Variants in FHOD1 observed in about 807,000 individuals in gnomAD.
FHOD1 encodes FH1/FH2 domain-containing protein 1.
A neutral mutation model predicts 111.6 loss-of-function variants in FHOD1; 89 were observed. That is an observed-to-expected ratio of 0.80 (90% CI 0.67 to 0.95). The LOEUF is 0.95. Ranked by LOEUF, FHOD1 falls within the 40% of genes least tolerant of loss-of-function variation. FHOD1 has a pLI of 0.00. For missense variants in FHOD1, 1,446 were observed against 1,554.2 expected (o/e 0.93, Z 1.17); for synonymous variants, 618 against 639.0 (o/e 0.97, Z 0.50).
In FHOD1 at chr16:67,237,300, T is replaced by C. The variant is rs897849332; in HGVS notation, c.932A>G (p.Gln311Arg). 2.7e-5 allele frequency: 43 copies of C among 1,613,902 alleles called. No individual in the cohort carries two copies. Among genetic ancestry groups the C allele is most frequent in the Non-Finnish European group, 3.2e-5 (38 of 1,180,040 alleles). The change falls in exon 9 of 22, where the codon CAG becomes CGG. Residue 311 changes from glutamine to arginine, a missense_variant. Gln to Arg is a conservative substitution (Grantham distance 43). Transcript: ENST00000258201. This position sits in a 1 kb window ranked among gnomAD's most constrained non-coding sequence, Gnocchi z 5.6. ...LEQQGMEALV[Q>R]RHLGTAGTDV... ...AGTGCCCGCAGTGCCCAGGTGGCGC[T>C]GGACCAGCGCTTCCATGCCCTGCTG...
rs1055473456 is a variant in FHOD1 at position 67,234,147 on chromosome 16, A to C, written c.1556T>G (p.Leu519Arg). The part of the protein sequence containing the change: ...RSLAPEPKEP[L>R]IPASPKAEPI... The stretch of plus-strand genomic sequence containing the variant: ...CTCAGCCTTGGGGCTTGCTGGTATC[A>C]GTGGCTCCTTGGGCTCTGGTGCAAG... Residue 519 changes from leucine to arginine, a missense_variant, in exon 13 of 22, where the codon CTG becomes CGG. Around this residue, in one of 3 missense-constraint regions of FHOD1, gnomAD observed 1,085 missense variants for 1,108.8 expected, o/e 0.98. Coordinates refer to ENST00000258201, the MANE Select transcript of FHOD1 (RefSeq NM_013241.3). The C allele has an allele frequency of 6.4e-7, 1 of 1,564,778 alleles. No individual in the cohort carries two copies. The highest frequency in any genetic ancestry group is 8.7e-7 in the Non-Finnish European group (1 of 1,152,964).
chr16:67,236,624 C>A lies in FHOD1; in HGVS notation c.1252G>T (p.Val418Leu), dbSNP rs752072735. Residue 418 changes from valine (V) to leucine (L), a missense_variant, in exon 11 of 22, where the codon GTG becomes TTG. By Grantham distance (32) the Val-to-Leu change is conservative (BLOSUM62 1). Transcript: ENST00000258201. ...ACAGAGATGGTAGGAAAAAGGTTCA[C>A]TGAAGCTTGGAGACCGGAGGGAGGG... ...VGPPSGLQASVNLFPTISVAP... is the reference protein window; with the variant it reads ...VGPPSGLQASLNLFPTISVAP... 1 of 1,613,654 alleles carries A rather than the reference C, an allele frequency of 6.2e-7. No homozygotes were observed. The highest frequency in any genetic ancestry group is 8.5e-7 in the Non-Finnish European group (1 of 1,179,864).
intron 11 of FHOD1, chr16:67,235,884 C>A (rs1010545274): frequency 4.7e-6 from 1 of 212,916 alleles, no homozygotes; most frequent in Non-Finnish European, 8.1e-6. Flanking sequence ...ACCGAGGAGG[C>A]ATATGTCTGG....
chr16:67,232,192 T>C lies in FHOD1; in HGVS notation c.2049A>G (p.Lys683=). 1 of 1,614,024 alleles carries C rather than the reference T, an allele frequency of 6.2e-7. No homozygotes were observed. Among genetic ancestry groups the C allele is most frequent in the Non-Finnish European group, 8.5e-7 (1 of 1,179,980 alleles). ...TCATTGTCCGGCGGCCCTCTCCAGC[T>C]TTCTGCATGGTTGGGGGAAGGGCAG... ...SRAKEVLPSK[K]AGEGRRTMTT... is the part of the protein sequence containing the mutation. The change falls in exon 14 of 22, where the codon AAA becomes AAG. Residue 683 remains lysine, a splice_region_variant and synonymous_variant. Transcript: ENST00000258201.
At chr16:67,243,890 A>G (rs2034735383) in intron 1 of FHOD1, among the ~76,000 whole-genome samples, 1 of 152,032 alleles carries the variant, frequency 6.6e-6, no homozygotes, top group African/African-American at 2.4e-5. Context: ...CAGCTCAGCC[A>G]CTCTGTTCCA....
rs1391092462 is a variant in FHOD1, at chr16:67,229,722, C to T, written c.3413-4G>A. ...CCACTCTTCAACGTCCTTCTCACTG[C>T]AGGGACAGAGCAGGGTTGGAGGGGG... On this transcript the variant is annotated splice_region_variant and splice_polypyrimidine_tract_variant and intron_variant, in intron 21 of 21. Coordinates refer to ENST00000258201, the MANE Select transcript of FHOD1 (RefSeq NM_013241.3). 6.2e-7 allele frequency: 1 copy of T among 1,614,176 alleles called. No individual in the cohort carries two copies. Among genetic ancestry groups the T allele is most frequent in the Non-Finnish European group, 8.5e-7 (1 of 1,180,006 alleles).
chr16:67,231,335 C>T lies in FHOD1; in HGVS notation c.2520G>A (p.Glu840=). Residue 840 remains glutamate (E), a synonymous_variant, in exon 17 of 22, where the codon GAG becomes GAA. Transcript: ENST00000258201. This position sits in a 1 kb window ranked among gnomAD's most constrained non-coding sequence, Gnocchi z 4.3. ...CTGACACCTTCTCCAGGTAGCTCAG[C>T]TCAAAGCCGCTGCTCTGAAAGGACC... ...FLNGSQSSGF[E]LSYLEKVSEV... The T allele has an allele frequency of 9.3e-6, 15 of 1,614,174 alleles. No homozygotes were observed. Among genetic ancestry groups the T allele is most frequent in the Non-Finnish European group, 1.3e-5 (15 of 1,180,028 alleles).
chr16:67,230,708 G>A lies in FHOD1; in HGVS notation c.2751C>T (p.Ala917=), dbSNP rs778529897. 1 of 1,613,716 alleles carries A rather than the reference G, an allele frequency of 6.2e-7. No individual in the cohort carries two copies. Among genetic ancestry groups the A allele is most frequent in the South Asian group, 1.1e-5 (1 of 91,034 alleles). ...GCAGGGCTGGGGCCAGCTCATGCTTGGCCAAGCTCCGCAGGCTCTCCTCGG... is the reference window on the plus strand; with the variant it reads ...GCAGGGCTGGGGCCAGCTCATGCTTAGCCAAGCTCCGCAGGCTCTCCTCGG... The part of the protein sequence containing the change: ...RAAEESLRSL[A]KHELAPALRA... Residue 917 remains alanine, a synonymous_variant, in exon 18 of 22, where the codon GCC becomes GCT. Transcript: ENST00000258201.
chr16:67,236,887 G>A (rs2142285010), intron 10 of FHOD1, 79 bp downstream of exon 10: 2 of 1,491,806 alleles, frequency 1.3e-6, no homozygotes, highest in African/African-American at 1.4e-5. Flanking sequence ...GCCTGAGGGG[G>A]TTGGGGTCAG....
intron 1 of FHOD1, among the ~76,000 whole-genome samples, chr16:67,244,033 G>A (rs747262277): frequency 2.0e-5 from 3 of 152,180 alleles, no homozygotes; most frequent in Non-Finnish European, 4.4e-5. Context: ...GGTTGGGGTA[G>A]GGTCAGGAAA....
At chr16:67,232,448 G>T (rs1567385435) in intron 13 of FHOD1, among the ~76,000 whole-genome samples, 1 of 151,498 alleles carries the variant, frequency 6.6e-6, no homozygotes, top group African/African-American at 2.4e-5. Context: ...GAACCCGGGA[G>T]GCGGAGCTTG....
In FHOD1 at chr16:67,237,765, G is replaced by C. The variant is rs201074597; in HGVS notation, c.646C>G (p.Arg216Gly). 5.6e-6 allele frequency: 9 copies of C among 1,613,906 alleles called. No individual in the cohort carries two copies. The highest frequency in any genetic ancestry group is 3.3e-5 in the Admixed American group (2 of 60,024). Residue 216 changes from arginine to glycine, a missense_variant, in exon 7 of 22, where the codon CGC (arginine) becomes GGC (glycine). Coordinates refer to ENST00000258201, the MANE Select transcript of FHOD1 (RefSeq NM_013241.3). The surrounding 1 kb of genome is among the most constrained non-coding windows in gnomAD (Gnocchi z 5.6). ...TTCAGGGCTGTCTTCACCACCAAGC[G>C]GGACTGAGGAGAGAGGTCAGTACAT... ...WLYTLCASLS[R>G]LVVKTALKLL...
In FHOD1 at chr16:67,231,318, T is replaced by A. The variant is rs982747750; in HGVS notation, c.2537A>T (p.Lys846Met). Residue 846 changes from lysine to methionine, a missense_variant, in exon 17 of 22, where the codon AAG (lysine) becomes ATG (methionine). Lys to Met is a moderately conservative substitution (Grantham distance 95, BLOSUM62 -1). Transcript: ENST00000258201. This position sits in a 1 kb window ranked among gnomAD's most constrained non-coding sequence, Gnocchi z 4.3. Reference protein sequence around the residue: ...SSGFELSYLEKVSEVKDTVRR... With the variant: ...SSGFELSYLEMVSEVKDTVRR... ...CACCGTGTCCTTCACCTCTGACACC[T>A]TCTCCAGGTAGCTCAGCTCAAAGCC... The A allele has an allele frequency of 3.2e-5, 51 of 1,614,044 alleles. No individual in the cohort carries two copies. Among genetic ancestry groups the A allele is most frequent in the Non-Finnish European group, 4.0e-5 (47 of 1,180,018 alleles).
rs2034900098 is a variant in FHOD1 at position 67,247,309 on chromosome 16, A to G, written c.102T>C (p.Phe34=). 6.2e-7 allele frequency: 1 copy of G among 1,613,462 alleles called. No individual in the cohort carries two copies. Among genetic ancestry groups the G allele is most frequent in the Non-Finnish European group, 8.5e-7 (1 of 1,179,794 alleles). ...EDTDPFACAN[F]PEPRRAPTCS... is the part of the protein sequence containing the mutation. ...AGGTGGGGGCCCGGCGCGGCTCCGG[A>G]AAGTTGGCACATGCGAAGGGGTCGG... The change falls in exon 1 of 22, where the codon TTT becomes TTC. Residue 34 remains phenylalanine (F), a synonymous_variant. Coordinates refer to ENST00000258201, the MANE Select transcript of FHOD1 (RefSeq NM_013241.3).
rs759632415 is a variant in FHOD1, at chr16:67,238,646, G to C, written c.374-199C>G. The C allele has an allele frequency of 4.5e-6, 3 of 671,168 alleles. No individual in the cohort carries two copies. The highest frequency in any genetic ancestry group is 7.9e-6 in the Non-Finnish European group (3 of 381,454). 41.6% of individuals were successfully genotyped at this position (671,168 alleles called of 1,614,324 possible). A position where few individuals can be genotyped will look rare whatever the true frequency, so the allele number is the denominator to read the frequency against. On this transcript the variant is annotated intron_variant, in intron 3 of 21. Transcript: ENST00000258201. This position sits in a 1 kb window ranked among gnomAD's most constrained non-coding sequence, Gnocchi z 4.2. ...AGCTCACTGCAACCTCAAACTCCTA[G>C]CCTCAAGCAATTCTCCCACCTTGAC...
Position 67,238,604 on chromosome 16 carries a change from T to C in FHOD1, c.374-157A>G, listed in dbSNP as rs373212875. The C allele has an allele frequency of 1.4e-5, 11 of 761,962 alleles. No individual in the cohort carries two copies. In the African/African-American group the frequency reaches 1.5e-4, roughly 11 times the overall value. 47.2% of individuals were successfully genotyped at this position (761,962 alleles called of 1,614,324 possible). A position where few individuals can be genotyped will look rare whatever the true frequency, so the allele number is the denominator to read the frequency against. ...CTGTCACTCAGGCTGGAGTGTGGAG[T>C]GCAGTGGCACAGTCATAGCTCACTG... On this transcript the variant is annotated intron_variant, in intron 3 of 21. Transcript: ENST00000258201. The surrounding 1 kb of genome is among the most constrained non-coding windows in gnomAD (Gnocchi z 4.2).
rs1415476546 is a variant in FHOD1 at position 67,231,093 on chromosome 16, A to C, written c.2667+95T>G. On this transcript the variant is annotated intron_variant, in intron 17 of 21. Coordinates refer to ENST00000258201, the MANE Select transcript of FHOD1 (RefSeq NM_013241.3). This position sits in a 1 kb window ranked among gnomAD's most constrained non-coding sequence, Gnocchi z 4.3. ...AGGTGGCTGGAGCAAGCCCTGGCAC[A>C]GCAGCCCAAATGGGGAGAAGGGGGA... is the stretch of plus-strand genomic sequence containing the variant. The C allele has an allele frequency of 3.3e-6, 5 of 1,508,326 alleles. No homozygotes were observed. In the African/African-American group the frequency reaches 6.9e-5, roughly 21 times the overall value. The allele number at this position is 1,508,326 out of a possible 1,614,324, so 93.4% of individuals were successfully genotyped here. A position where few individuals can be genotyped will look rare whatever the true frequency, so the allele number is the denominator to read the frequency against.
intron 13 of FHOD1, 39 bp from the exon 14 acceptor site, chr16:67,232,233 G>A (rs1228648371): frequency 6.2e-7 from 1 of 1,610,032 alleles, no homozygotes; most frequent in African/African-American, 1.3e-5. Flanking sequence ...GACTGAGGAA[G>A]GGGGCCTGAC....
In FHOD1 at chr16:67,231,026, T is replaced by TA; in HGVS notation, c.2667+161dup. 6.0e-6 allele frequency: 6 copies of TA among 993,070 alleles called. No individual in the cohort carries two copies. Among genetic ancestry groups the TA allele is most frequent in the Non-Finnish European group, 8.8e-6 (6 of 684,126 alleles). 61.5% of individuals were successfully genotyped at this position (993,070 alleles called of 1,614,324 possible). On this transcript the variant is annotated intron_variant, in intron 17 of 21. Coordinates refer to ENST00000258201, the MANE Select transcript of FHOD1 (RefSeq NM_013241.3). This position sits in a 1 kb window ranked among gnomAD's most constrained non-coding sequence, Gnocchi z 4.3. ...GACTGAGTAGGTGTGGCCAGGCCAA[T>TA]AGAGGAAAGAGCATTTCTGGCAGAG...
Sources: gnomAD v4.1 joint callset for allele counts (sites outside exome capture counted in the v4.1 genomes callset) on GRCh38, gnomAD v4.1.1 for gene constraint, gnomAD v4.1.1 regional missense constraint, Gnocchi (gnomAD v3.1) non-coding constraint, MANE v1.5 for transcripts, NCBI Gene and HGNC (gene_info 2026-07-23, HGNC 2026-07-21) for gene names.